Variants in TRPM1 observed in about 807,000 individuals in gnomAD.
The protein encoded by TRPM1 is TRPM1-203 APA Isoform, Intron 10.
TRPM1 carries 113 observed loss-of-function variants against 149.4 expected under a neutral mutation model. The ratio of observed to expected loss-of-function variants is 0.76; its 90% CI spans 0.65 to 0.88. The LOEUF (loss-of-function observed/expected upper bound fraction) is 0.88. Ranked by LOEUF, TRPM1 falls within the 40% of genes least tolerant of loss-of-function variation. The pLI is 0.00. For missense variants in TRPM1, 1,976 were observed against 2,038.7 expected, an observed-to-expected ratio of 0.97 and a Z score of 0.59; for synonymous variants, 741 against 759.5, an observed-to-expected ratio of 0.98 and a Z score of 0.40.
chr15:31,116,866 A>G (rs956160883), intron 1 of TRPM1, among the ~76,000 whole-genome samples: 4 of 152,196 alleles, frequency 2.6e-5, no homozygotes, highest in African/African-American at 9.7e-5. Context: ...CCCTCACATT[A>G]AAGGCCTATT....
Position 31,066,133 on chromosome 15 carries a change from C to A in TRPM1, c.733G>T (p.Glu245Ter), listed in dbSNP as rs756797592. The A allele has an allele frequency of 6.2e-7, 1 of 1,614,194 alleles. No individual in the cohort carries two copies. Among genetic ancestry groups the A allele is most frequent in the South Asian group, 1.1e-5 (1 of 91,080 alleles). The part of the protein sequence containing the change: ...DNGTLGKYGA[E>*]VKLRRLLEKH... ...TCCAGCAGCCTTCGCAGCTTCACCT[C>A]GGCGCCATACTTGCCCAGGGTGCCA... The change falls in exon 7 of 28, where the codon GAG becomes TAG. Residue 245 changes from glutamate to a stop codon, truncating the protein, a stop_gained. Transcript: ENST00000256552. LOFTEE classifies it high-confidence loss of function.
intron 1 of TRPM1, among the ~76,000 whole-genome samples, chr15:31,143,907 A>C (rs2036191027): frequency 6.6e-6 from 1 of 152,180 alleles, no homozygotes; most frequent in African/African-American, 2.4e-5. Flanking sequence ...TATTTGCATA[A>C]CTTCAATAAT....
At chr15:31,118,553 G>A (rs1300409353) in intron 1 of TRPM1, among the ~76,000 whole-genome samples, 1 of 152,118 alleles carries the variant, frequency 6.6e-6, no homozygotes, top group Non-Finnish European at 1.5e-5. Flanking sequence ...GCTGCTATAA[G>A]AGAATATTGT....
At chr15:31,054,153 A>C (rs942504973) in intron 11 of TRPM1, among the ~76,000 whole-genome samples, 4 of 152,194 alleles carry the variant, frequency 2.6e-5, no homozygotes, top group African/African-American at 9.7e-5. Flanking sequence ...TCTTGAGATG[A>C]ATGTTGGTGA....
intron 1 of TRPM1, among the ~76,000 whole-genome samples, chr15:31,158,253 C>A (rs2036402449): frequency 6.6e-6 from 1 of 152,076 alleles, no homozygotes; most frequent in Non-Finnish European, 1.5e-5. Context: ...CAGATCCAGA[C>A]CCCAAGAAAG....
chr15:31,114,784 A>G (rs1268952387), intron 1 of TRPM1, among the ~76,000 whole-genome samples: 2 of 152,240 alleles, frequency 1.3e-5, no homozygotes, highest in Admixed American at 6.5e-5. Flanking sequence ...AGACAAACTA[A>G]CAGAGTTAAT....
At chr15:31,148,433 C>T (rs554898993) in intron 1 of TRPM1, among the ~76,000 whole-genome samples, 1 of 152,158 alleles carries the variant, frequency 6.6e-6, no homozygotes, top group Non-Finnish European at 1.5e-5. Flanking sequence ...AACGCTCCAT[C>T]CTGATTATGT....
Position 31,060,548 on chromosome 15 carries a change from C to T in TRPM1, c.1259G>A (p.Trp420Ter). 1.9e-6 allele frequency: 3 copies of T among 1,614,056 alleles called. No homozygotes were observed. The highest frequency in any genetic ancestry group is 2.5e-6 in the Non-Finnish European group (3 of 1,179,880). Residue 420 changes from tryptophan to a stop codon, truncating the protein, a stop_gained, in exon 11 of 28, where the codon TGG becomes TAG. Coordinates refer to ENST00000256552, the MANE Select transcript of TRPM1 (RefSeq NM_001252024.2). LOFTEE classifies it high-confidence loss of function. ...ATCGAAAAAAAACAGTTTCACCGGC[C>T]AGTGGGGCCCAAAGACAAAGATCTG... ...RSQIFVFGPH[W>*]PPLGSLAPPT... is the part of the protein sequence containing the mutation.
intron 1 of TRPM1, among the ~76,000 whole-genome samples, chr15:31,089,918 C>T (rs1397119475): frequency 6.6e-6 from 1 of 152,118 alleles, no homozygotes; most frequent in Non-Finnish European, 1.5e-5. Context: ...CCTGGGTTGG[C>T]CGGGAGCACC....
chr15:31,142,763 G>A (rs886404328), intron 1 of TRPM1, among the ~76,000 whole-genome samples: 5 of 152,120 alleles, frequency 3.3e-5, no homozygotes, highest in Admixed American at 2.6e-4. Flanking sequence ...GCCCCTGGAA[G>A]TTCAAAAGAG....
chr15:31,146,716 G>T (rs929388921), intron 1 of TRPM1, among the ~76,000 whole-genome samples: 10 of 152,204 alleles, frequency 6.6e-5, no homozygotes, highest in African/African-American at 1.7e-4. Flanking sequence ...GCCGGGTGCG[G>T]TGGCTCACGC....
intron 1 of TRPM1, among the ~76,000 whole-genome samples, chr15:31,098,681 T>A (rs951865859): frequency 1.3e-5 from 2 of 152,128 alleles, no homozygotes; most frequent in African/African-American, 4.8e-5. Flanking sequence ...GTGCCCTGTC[T>A]CCAGGAGAGC....
intron 11 of TRPM1, among the ~76,000 whole-genome samples, chr15:31,051,469 C>T (rs926180828): frequency 6.6e-6 from 1 of 152,252 alleles, no homozygotes; most frequent in East Asian, 1.9e-4. Context: ...GTGCTGGTGC[C>T]TGCCTCATGG....
chr15:31,090,726 A>C (rs1026699763), intron 1 of TRPM1, among the ~76,000 whole-genome samples: 18 of 152,168 alleles, frequency 1.2e-4, no homozygotes, highest in African/African-American at 4.3e-4. Context: ...TTTACTATTA[A>C]GGCCATTTCT....
At chr15:31,146,987 CAA>C (rs111397647) in intron 1 of TRPM1, among the ~76,000 whole-genome samples, 5 of 136,750 alleles carry the variant, frequency 3.7e-5, no homozygotes, top group Admixed American at 7.5e-5. Flanking sequence ...AATTCTGTCT[CAA>C]AAAAAAAAAA....
intron 5 of TRPM1, among the ~76,000 whole-genome samples, chr15:31,067,557 C>T (rs2034414240): frequency 6.6e-6 from 1 of 152,094 alleles, no homozygotes; most frequent in South Asian, 2.1e-4. Context: ...GCCTCAGTTT[C>T]CTGTCCTATA....
chr15:31,087,226 T>A (rs955834055), intron 1 of TRPM1, among the ~76,000 whole-genome samples: 7 of 128,852 alleles, frequency 5.4e-5, no homozygotes, highest in Non-Finnish European at 9.8e-5. Context: ...CAGGTCTCAA[T>A]AGGGATTTTT....
chr15:31,043,639 T>C (rs1190737471), intron 16 of TRPM1, among the ~76,000 whole-genome samples: 2 of 151,378 alleles, frequency 1.3e-5, no homozygotes, highest in African/African-American at 4.9e-5. Context: ...ATGGGAAAGG[T>C]TCATCTACAC....
chr15:31,154,257 G>A (rs758799610), intron 1 of TRPM1, among the ~76,000 whole-genome samples: 1 of 152,202 alleles, frequency 6.6e-6, no homozygotes, highest in Non-Finnish European at 1.5e-5. Flanking sequence ...ACAGCAATGA[G>A]CCCTTTGTCA....
Sources: allele counts gnomAD v4.1 joint callset (sites outside exome capture counted in the v4.1 genomes callset), GRCh38; gene constraint gnomAD v4.1.1; transcripts MANE v1.5; gene names NCBI Gene and HGNC (gene_info 2026-07-23, HGNC 2026-07-21).